Variants in CLUAP1 observed in about 807,000 individuals in gnomAD.
CLUAP1 encodes intraflagellar transport 38.
A neutral mutation model predicts 55.0 loss-of-function variants in CLUAP1; 50 were observed. The observed-to-expected ratio is 0.91, with a 90% CI of 0.72 to 1.15. CLUAP1 has a LOEUF of 1.15. Among genes scored for constraint, CLUAP1 ranks in the 50% most tolerant of loss-of-function variants. The pLI, the probability that CLUAP1 is intolerant of heterozygous loss-of-function variation, is 0.00. For missense variants in CLUAP1, 530 were observed against 507.6 expected, an observed-to-expected ratio of 1.04 and a Z score of -0.42; for synonymous variants, 195 against 175.4, an observed-to-expected ratio of 1.11 and a Z score of -0.88.
chr16:3,522,288 C>T (rs546049426), intron 7 of CLUAP1, among the ~76,000 whole-genome samples: 14 of 151,602 alleles, frequency 9.2e-5, no homozygotes, highest in South Asian at 2.1e-4. Flanking sequence ...CTCAGCCACC[C>T]GAGTAGCTGG....
chr16:3,535,832 C>A lies in CLUAP1; in HGVS notation c.1093-290C>A, dbSNP rs560625820. On this transcript the variant is annotated intron_variant, in intron 11 of 11. Transcript: ENST00000576634. ...TAGGGGGAGTCTCTAGGTCCAGTGG[C>A]CCTCAGCGCAGATGCAGAGTGCTTC... The A allele has an allele frequency of 3.9e-5, 14 of 359,890 alleles. 1 individual carries two copies. The South Asian group carries it at 5.2e-4, about 13-fold the overall frequency. The allele number at this position is 359,890 out of a possible 1,614,324, so 22.3% of individuals were successfully genotyped here.
Position 3,537,370 on chromosome 16 carries a change from T to A in CLUAP1, c.*1099T>A, listed in dbSNP as rs1027518505. The stretch of plus-strand genomic sequence containing the variant: ...TTTCTTTTTTCTTCTTCTTTTTTTT[T>A]AATATGAAAAGTACTTAGCTGGGAG... On this transcript the variant is annotated 3_prime_UTR_variant, in exon 12 of 12. Coordinates refer to ENST00000576634, the MANE Select transcript of CLUAP1 (RefSeq NM_015041.3). 6.6e-6 allele frequency: 1 copy of A among 152,128 alleles called. No homozygotes were observed. Among genetic ancestry groups the A allele is most frequent in the Admixed American group, 6.6e-5 (1 of 15,262 alleles). 9.4% of individuals were successfully genotyped at this position (152,128 alleles called of 1,614,324 possible).
At chr16:3,514,329 A>T (rs1445257954) in intron 5 of CLUAP1, among the ~76,000 whole-genome samples, 2 of 152,192 alleles carry the variant, frequency 1.3e-5, no homozygotes, top group Non-Finnish European at 2.9e-5. Context: ...TACTTGTCAA[A>T]TTCTGTGTGT....
At chr16:3,505,257 G>T (rs1310686212) in intron 2 of CLUAP1, among the ~76,000 whole-genome samples, 1 of 152,116 alleles carries the variant, frequency 6.6e-6, no homozygotes, top group Non-Finnish European at 1.5e-5. Context: ...CAGGCCGGGC[G>T]CAGTGGCTCA....
At chr16:3,511,484 G>C (rs939110847) in intron 4 of CLUAP1, among the ~76,000 whole-genome samples, 1 of 152,148 alleles carries the variant, frequency 6.6e-6, no homozygotes, top group Non-Finnish European at 1.5e-5. Context: ...CCCGATTTGC[G>C]CCTCTCCAAG....
At chr16:3,503,386 A>G (rs1311759295) in intron 1 of CLUAP1, among the ~76,000 whole-genome samples, 1 of 151,984 alleles carries the variant, frequency 6.6e-6, no homozygotes, top group Non-Finnish European at 1.5e-5. Flanking sequence ...GATGGTCTCA[A>G]TCTCCTGACC....
At position 3,528,815 on chromosome 16, in the gene CLUAP1, G is replaced by A. The variant is rs865780176; in HGVS notation, c.929-1753G>A. On this transcript the variant is annotated intron_variant, in intron 9 of 11. Coordinates refer to ENST00000576634, the MANE Select transcript of CLUAP1 (RefSeq NM_015041.3). Reference sequence around the variant, plus strand: ...TTCATTCTTTTGCATGTGGCTATTCGGTTGTCCTATTATCATTTGTGGAAA... The same window carrying A: ...TTCATTCTTTTGCATGTGGCTATTCAGTTGTCCTATTATCATTTGTGGAAA... Among the ~76,000 whole-genome samples the A allele has an allele frequency of 7.2e-5, 11 of 151,926 alleles. No homozygotes were observed. In the East Asian group the frequency reaches 1.5e-3, roughly 21 times the overall value.
At chr16:3,500,451 C>T (rs1291306189), upstream of CLUAP1, among the ~76,000 whole-genome samples, 3 of 150,926 alleles carry the variant, frequency 2.0e-5, no homozygotes, top group Non-Finnish European at 2.9e-5. Context: ...CTCACTGCAA[C>T]CTCTGCCTGC....
chr16:3,520,728 G>C (rs111502265), intron 7 of CLUAP1, among the ~76,000 whole-genome samples: 13 of 152,318 alleles, frequency 8.5e-5, no homozygotes, highest in African/African-American at 2.9e-4. Flanking sequence ...TGTTGGCATA[G>C]ATTTTAGACT....
At chr16:3,536,045 G>A (rs748829228) in intron 11 of CLUAP1, 77 bp from the exon 12 acceptor site, 16 of 1,541,812 alleles carry the variant, frequency 1.0e-5, no homozygotes, top group Non-Finnish European at 1.4e-5. Context: ...CTATAGAAAG[G>A]GAGGCAGAGA....
chr16:3,506,971 C>T (rs1000047338), intron 3 of CLUAP1, among the ~76,000 whole-genome samples: 21 of 151,508 alleles, frequency 1.4e-4, no homozygotes, highest in Admixed American at 2.6e-4. Flanking sequence ...CCGAGGTGGG[C>T]GGATCACGAG....
At chr16:3,529,443 ATTATATAT>A (rs1254993339) in intron 9 of CLUAP1, among the ~76,000 whole-genome samples, 1 of 57,266 alleles carries the variant, frequency 1.7e-5, no homozygotes, top group East Asian at 4.1e-4. Context: ...TATATATTAT[ATTATATAT>A]TATTATATAT....
At chr16:3,497,830 A>T (rs983986032), upstream of CLUAP1, among the ~76,000 whole-genome samples, 1 of 151,948 alleles carries the variant, frequency 6.6e-6, no homozygotes, top group Non-Finnish European at 1.5e-5. Context: ...TTAATTTTTT[A>T]AATTTTTGCT....
chr16:3,519,810 T>C, intron 6 of CLUAP1, 93 bp from the exon 7 acceptor site: 5 of 1,269,090 alleles, frequency 3.9e-6, no homozygotes, highest in Non-Finnish European at 5.4e-6. Flanking sequence ...TTGAGCATAA[T>C]GTTGCTATGC....
intron 4 of CLUAP1, among the ~76,000 whole-genome samples, chr16:3,510,563 G>A (rs532709368): frequency 9.8e-5 from 15 of 152,332 alleles, no homozygotes; most frequent in Non-Finnish European, 1.5e-5. Context: ...GCTACAGGCC[G>A]GGTCTTGGGG....
chr16:3,508,433 G>A lies in CLUAP1; in HGVS notation c.364G>A (p.Asp122Asn). ...GMEGSEIVEE[D>N]VNKFKFDLGS... is the part of the protein sequence containing the mutation. ...GGAGGGCTCTGAAATAGTAGAGGAAGATGTCAACAAGTTCAAGTTTGATCT... is the reference window on the plus strand; with the variant it reads ...GGAGGGCTCTGAAATAGTAGAGGAAAATGTCAACAAGTTCAAGTTTGATCT... The change falls in exon 4 of 12, where the codon GAT becomes AAT. Residue 122 changes from aspartate to asparagine, a missense_variant. Coordinates refer to ENST00000576634, the MANE Select transcript of CLUAP1 (RefSeq NM_015041.3). The A allele has an allele frequency of 6.3e-7, 1 of 1,585,862 alleles. No individual in the cohort carries two copies. The highest frequency in any genetic ancestry group is 8.5e-7 in the Non-Finnish European group (1 of 1,172,828).
At chr16:3,505,347 G>A (rs1204673731) in intron 2 of CLUAP1, among the ~76,000 whole-genome samples, 1 of 151,950 alleles carries the variant, frequency 6.6e-6, no homozygotes, top group Non-Finnish European at 1.5e-5. Context: ...TGGCTAACAC[G>A]GTGAAACCCC....
intron 3 of CLUAP1, among the ~76,000 whole-genome samples, chr16:3,507,618 C>T (rs1228188129): frequency 1.3e-5 from 2 of 150,480 alleles, no homozygotes; most frequent in African/African-American, 2.5e-5. Context: ...TGACTTTTTA[C>T]CCTATCTGCC....
At chr16:3,527,801 C>T in intron 9 of CLUAP1, among the ~76,000 whole-genome samples, 1 of 152,112 alleles carries the variant, frequency 6.6e-6, no homozygotes, top group Middle Eastern at 3.2e-3. Context: ...GTCTCTCTCT[C>T]CTCTCTGTCT....
Sources: gnomAD v4.1 joint callset for allele counts (sites outside exome capture counted in the v4.1 genomes callset) on GRCh38, gnomAD v4.1.1 for gene constraint, MANE v1.5 for transcripts, NCBI Gene and HGNC (gene_info 2026-07-23, HGNC 2026-07-21) for gene names.